Variants in GPR75 observed in about 807,000 individuals in gnomAD.
The protein encoded by GPR75 is G protein-coupled receptor 75, also known as probable G protein-coupled receptor 75.
In GPR75, 27 loss-of-function variants were observed where a neutral mutation model predicts 26.0. The observed-to-expected ratio is 1.04, with a 90% CI of 0.77 to 1.43. The LOEUF is 1.43. Among genes scored for constraint, GPR75 ranks in the 40% most tolerant of loss-of-function variants. The pLI, the probability that GPR75 is intolerant of heterozygous loss-of-function variation, is 0.00. For synonymous variants in GPR75, 285 were observed against 256.3 expected (o/e 1.11, Z -1.07); for missense variants, 699 against 662.3 (o/e 1.06, Z -0.61).
chr2:53,854,817 A>G lies in GPR75; in HGVS notation c.-61T>C, dbSNP rs749499566. On this transcript the variant is annotated 5_prime_UTR_variant, in exon 2 of 2. The change abolishes the stop of an existing upstream ORF in the 5' untranslated region. Coordinates refer to ENST00000394705, the MANE Select transcript of GPR75 (RefSeq NM_006794.4). ...AAAATACTCAGTGAGTCAGGGCCTC[A>G]GCTCACAGATGAGCAATATGTGACA... The G allele has an allele frequency of 1.6e-5, 21 of 1,333,176 alleles. No individual in the cohort carries two copies. Among genetic ancestry groups the G allele is most frequent in the Non-Finnish European group, 2.2e-5 (21 of 950,494 alleles). The allele number at this position is 1,333,176 out of a possible 1,614,324, so 82.6% of individuals were successfully genotyped here.
intron 1 of GPR75, among the ~76,000 whole-genome samples, chr2:53,856,481 C>T (rs770945100): frequency 2.0e-5 from 3 of 152,224 alleles, no homozygotes; most frequent in Non-Finnish European, 4.4e-5. Context: ...AAGCCTCCAG[C>T]TGTTAACCCT....
Position 53,853,971 on chromosome 2 carries a change from A to G in GPR75, c.786T>C (p.Asp262=), listed in dbSNP as rs1678158827. The change falls in exon 2 of 2, where the codon GAT becomes GAC. Residue 262 remains aspartate, a synonymous_variant. Transcript: ENST00000394705. ...FMGVPVQGGG[D]PIQCAMPALY... ...GAGCCGGCATGGCACACTGGATGGG[A>G]TCTCCACCTCCCTGCACAGGGACCC... 6.2e-7 allele frequency: 1 copy of G among 1,613,898 alleles called. No individual in the cohort carries two copies. Among genetic ancestry groups the G allele is most frequent in the Non-Finnish European group, 8.5e-7 (1 of 1,180,016 alleles).
Position 53,859,835 on chromosome 2 carries a change from G to A in GPR75, c.-117C>T, listed in dbSNP as rs753524658. ...GGGCCCGCGGCCTCTCACCTGCCGG[G>A]TGGCCGCAGCGCCGCCCCTCCTCCA... On this transcript the variant is annotated 5_prime_UTR_variant, in exon 1 of 2. Coordinates refer to ENST00000394705, the MANE Select transcript of GPR75 (RefSeq NM_006794.4). 5.2e-6 allele frequency: 8 copies of A among 1,531,294 alleles called. No individual in the cohort carries two copies. The highest frequency in any genetic ancestry group is 2.0e-5 in the Admixed American group (1 of 50,450). 94.9% of individuals were successfully genotyped at this position (1,531,294 alleles called of 1,614,324 possible).
rs1318139144 is a variant in GPR75 at position 53,853,982 on chromosome 2, C to T, written c.775G>A (p.Gly259Arg). Residue 259 changes from glycine (G) to arginine (R), a missense_variant, in exon 2 of 2, where the codon GGA becomes AGA. Physicochemically the swap from Gly to Arg is moderately radical, Grantham distance 125 (BLOSUM62 -2). Coordinates refer to ENST00000394705, the MANE Select transcript of GPR75 (RefSeq NM_006794.4). ...GCACACTGGATGGGATCTCCACCTC[C>T]CTGCACAGGGACCCCCATGAAAGGC... is the stretch of plus-strand genomic sequence containing the variant. ...PQPFMGVPVQGGGDPIQCAMP... is the reference protein window; with the variant it reads ...PQPFMGVPVQRGGDPIQCAMP... 6.2e-7 allele frequency: 1 copy of T among 1,614,024 alleles called. No homozygotes were observed. The highest frequency in any genetic ancestry group is 8.5e-7 in the Non-Finnish European group (1 of 1,180,030).
chr2:53,853,608 C>G lies in GPR75; in HGVS notation c.1149G>C (p.Leu383=). 11 of 1,614,062 alleles carry G rather than the reference C, an allele frequency of 6.8e-6. No individual in the cohort carries two copies. Among genetic ancestry groups the G allele is most frequent in the Non-Finnish European group, 9.3e-6 (11 of 1,179,906 alleles). ...PFIYSRNSAG[L]RRKVLWCLQY... is the part of the protein sequence containing the mutation. ...GGAGGCACCAGAGCACTTTCCTTCT[C>G]AGCCCTGCACTGTTCCGAGAATATA... Residue 383 remains leucine (L), a synonymous_variant, in exon 2 of 2, where the codon CTG becomes CTC. Transcript: ENST00000394705.
chr2:53,854,392 T>C lies in GPR75; in HGVS notation c.365A>G (p.His122Arg), dbSNP rs756238568. 2.5e-6 allele frequency: 4 copies of C among 1,613,652 alleles called. No homozygotes were observed. Among genetic ancestry groups the C allele is most frequent in the South Asian group, 1.1e-5 (1 of 91,050 alleles). Residue 122 changes from histidine to arginine, a missense_variant, in exon 2 of 2, where the codon CAT (histidine) becomes CGT (arginine). Coordinates refer to ENST00000394705, the MANE Select transcript of GPR75 (RefSeq NM_006794.4). ...GATGATGAAGCCTGAACTGGTGAGA[T>C]GGAAAGTGAAGCAGAAAGCATCCGG... ...SIPDAFCFTF[H>R]LTSSGFIIMS...
At chr2:53,858,977 TAGCA>T (rs895551136) in intron 1 of GPR75, among the ~76,000 whole-genome samples, 5 of 151,660 alleles carry the variant, frequency 3.3e-5, no homozygotes, top group African/African-American at 1.2e-4. Flanking sequence ...CTGAAGTAAC[TAGCA>T]AGCAAAGAAT....
Position 53,853,836 on chromosome 2 carries a change from T to C in GPR75, c.921A>G (p.Ser307=). 6.2e-7 allele frequency: 1 copy of C among 1,614,170 alleles called. No homozygotes were observed. Among genetic ancestry groups the C allele is most frequent in the Non-Finnish European group, 8.5e-7 (1 of 1,180,024 alleles). ...TPAASRLQLV[S]AINLSTAKDS... ...CCTTGGCAGTGGAGAGGTTGATGGC[T>C]GATACGAGCTGGAGTCGGCTTGCTG... Residue 307 remains serine (S), a synonymous_variant, in exon 2 of 2, where the codon TCA becomes TCG. Coordinates refer to ENST00000394705, the MANE Select transcript of GPR75 (RefSeq NM_006794.4).
chr2:53,853,841 C>T lies in GPR75; in HGVS notation c.916G>A (p.Val306Ile), dbSNP rs554234938. The T allele has an allele frequency of 2.0e-4, 318 of 1,614,108 alleles. 3 individuals are homozygous for T. In the South Asian group the frequency reaches 3.1e-3, roughly 16 times the overall value. The change falls in exon 2 of 2, where the codon GTA becomes ATA. Residue 306 changes from valine to isoleucine, a missense_variant. Physicochemically the swap from Val to Ile is conservative, Grantham distance 29 (BLOSUM62 3). Transcript: ENST00000394705. ...VTPAASRLQLVSAINLSTAKD... is the reference protein window; with the variant it reads ...VTPAASRLQLISAINLSTAKD... ...GCAGTGGAGAGGTTGATGGCTGATA[C>T]GAGCTGGAGTCGGCTTGCTGCAGGG...
intron 1 of GPR75, among the ~76,000 whole-genome samples, chr2:53,856,283 G>A (rs805368): frequency 0.23 from 34,449 of 152,046 alleles, 4,222 homozygotes; most frequent in South Asian, 0.3. Context: ...GCAAGGGTTG[G>A]TGCCCAACCT....
In GPR75 at chr2:53,853,546, T is replaced by C. The variant is rs1389376394; in HGVS notation, c.1211A>G (p.Lys404Arg). The part of the protein sequence containing the change: ...IGLGFFCCKQ[K>R]TRLRAMGKGN... ...TTTTCCCATGGCTCGAAGTCGAGTCTTTTGTTTGCAGCAGAAAAAACCCAG... is the reference window on the plus strand; with the variant it reads ...TTTTCCCATGGCTCGAAGTCGAGTCCTTTGTTTGCAGCAGAAAAAACCCAG... Residue 404 changes from lysine to arginine, a missense_variant, in exon 2 of 2, where the codon AAG becomes AGG. Transcript: ENST00000394705. The C allele has an allele frequency of 1.2e-6, 2 of 1,614,096 alleles. No homozygotes were observed. Among genetic ancestry groups the C allele is most frequent in the African/African-American group, 2.7e-5 (2 of 74,932 alleles).
At position 53,854,744 on chromosome 2, in the gene GPR75, C is replaced by G. The variant is rs1678182800; in HGVS notation, c.13G>C (p.Gly5Arg). 3 of 1,610,252 alleles carry G rather than the reference C, an allele frequency of 1.9e-6. No homozygotes were observed. Among genetic ancestry groups the G allele is most frequent in the Non-Finnish European group, 2.5e-6 (3 of 1,177,746 alleles). Residue 5 changes from glycine (G) to arginine (R), a missense_variant, in exon 2 of 2, where the codon GGC becomes CGC. Physicochemically the swap from Gly to Arg is moderately radical, Grantham distance 125. Transcript: ENST00000394705. MNSTGHLQDAPNATS... is the reference protein window; with the variant it reads MNSTRHLQDAPNATS... ...GCATTGGGGGCATCCTGAAGGTGGC[C>G]TGTTGAGTTCATTTTCGGAGAGAAA...
Position 53,854,343 on chromosome 2 carries a change from C to A in GPR75, c.414G>T (p.Val138=), listed in dbSNP as rs775513285. 1.9e-5 allele frequency: 31 copies of A among 1,614,090 alleles called. No individual in the cohort carries two copies. The highest frequency in any genetic ancestry group is 2.6e-5 in the Non-Finnish European group (31 of 1,180,014). Residue 138 remains valine, a synonymous_variant, in exon 2 of 2, where the codon GTG becomes GTT. Coordinates refer to ENST00000394705, the MANE Select transcript of GPR75 (RefSeq NM_006794.4). The part of the protein sequence containing the change: ...FIIMSLKTVA[V]IALHRLRMVL... ...CCATCCGGAGCCGGTGCAGGGCGAT[C>A]ACTGCCACTGTCTTCAGAGACATGA...
At chr2:53,859,496 G>A (rs1338251761) in intron 1 of GPR75, among the ~76,000 whole-genome samples, 1 of 152,074 alleles carries the variant, frequency 6.6e-6, no homozygotes, top group Admixed American at 6.5e-5. Flanking sequence ...GGTGGGTAGG[G>A]GCTTCCCGGA....
At chr2:53,859,258 G>A (rs921100775) in intron 1 of GPR75, among the ~76,000 whole-genome samples, 2 of 151,624 alleles carry the variant, frequency 1.3e-5, no homozygotes, top group African/African-American at 4.9e-5. Context: ...TATTTCTATC[G>A]ATCAGGAAAA....
intron 1 of GPR75, among the ~76,000 whole-genome samples, chr2:53,858,142 C>T (rs1045170103): frequency 6.6e-6 from 1 of 152,112 alleles, no homozygotes; most frequent in African/African-American, 2.4e-5. Flanking sequence ...TAAGCAGTTG[C>T]TCTTCCACAC....
rs1299527655 is a variant in GPR75, at chr2:53,854,132, C to T, written c.625G>A (p.Val209Ile). The T allele has an allele frequency of 1.2e-6, 2 of 1,614,136 alleles. No individual in the cohort carries two copies. The highest frequency in any genetic ancestry group is 1.7e-6 in the Non-Finnish European group (2 of 1,180,036). Residue 209 changes from valine to isoleucine, a missense_variant, in exon 2 of 2, where the codon GTC becomes ATC. Physicochemically the swap from Val to Ile is conservative, Grantham distance 29. Coordinates refer to ENST00000394705, the MANE Select transcript of GPR75 (RefSeq NM_006794.4). ...ACAGCAACACAGAAGGTGAAGTCGA[C>T]CACATAGAGAGACAAAATGGCTTTC... ...KGKAILSLYV[V>I]DFTFCVAVVS...
rs777702120 is a variant in GPR75 at position 53,859,885 on chromosome 2, G to A, written c.-167C>T. 4.6e-6 allele frequency: 7 copies of A among 1,518,438 alleles called. No individual in the cohort carries two copies. Among genetic ancestry groups the A allele is most frequent in the African/African-American group, 2.8e-5 (2 of 71,748 alleles). The allele number at this position is 1,518,438 out of a possible 1,614,324, so 94.1% of individuals were successfully genotyped here. On this transcript the variant is annotated 5_prime_UTR_variant, in exon 1 of 2. Transcript: ENST00000394705. ...ATCTCGCAGTCCGGACCCCAGCTCC[G>A]CCTGCCGCTCTGGATGATGCAGGAC...
At chr2:53,854,947 A>C in intron 1 of GPR75, 82 bp from the exon 2 acceptor site, 1 of 586,262 alleles carries the variant, frequency 1.7e-6, no homozygotes, top group Admixed American at 3.0e-5. Context: ...TCTCATTATT[A>C]GTAGTAGTAT....
Sources: allele counts gnomAD v4.1 joint callset (sites outside exome capture counted in the v4.1 genomes callset), GRCh38; gene constraint gnomAD v4.1.1; transcripts MANE v1.5; gene names NCBI Gene and HGNC (gene_info 2026-07-23, HGNC 2026-07-21).